The following PCDH7 variants were observed in gnomAD, a reference collection of about 807,000 sequenced individuals.
PCDH7 encodes protocadherin-7.
PCDH7 carries 17 observed loss-of-function variants against 58.9 expected under a neutral mutation model. That is an observed-to-expected ratio of 0.29 (90% confidence interval 0.20 to 0.43). PCDH7 has a LOEUF of 0.43. Ranked by LOEUF, PCDH7 falls within the 20% of genes least tolerant of loss-of-function variation. The pLI, the probability that PCDH7 is intolerant of heterozygous loss-of-function variation, is 1.00. For missense variants in PCDH7, 1,274 were observed against 1,441.0 expected, an observed-to-expected ratio of 0.88 and a Z score of 1.88; for synonymous variants, 664 against 616.4, an observed-to-expected ratio of 1.08 and a Z score of -1.14.
rs147836682 is a variant in PCDH7 at position 30,779,059 on chromosome 4, C to T, written c.70+54463C>T. 9.0e-3 allele frequency among the ~76,000 whole-genome samples: 1,041 copies of T among 115,872 alleles called. 11 individuals are homozygous for T. The highest frequency in any genetic ancestry group is 0.032 in the African/African-American group (943 of 29,836). 76.0% of individuals were successfully genotyped at this position (115,872 alleles called of 152,430 possible). ...ATGGAGACGGAGTCTCACTCTGTGT[C>T]GTTCAGGCTGGAGTGCAGTGGTGCA... On this transcript the variant is annotated intron_variant, in intron 1 of 3. Coordinates refer to the PCDH7 transcript ENST00000509759.
rs1272590016 is a variant in PCDH7 at position 30,930,782 on chromosome 4, T to G, written c.287+10413T>G. Among the ~76,000 whole-genome samples, 21 of 149,972 alleles carry G rather than the reference T, an allele frequency of 1.4e-4. No individual in the cohort carries two copies. The East Asian group carries it at 3.1e-3, about 22-fold the overall frequency. On this transcript the variant is annotated intron_variant, in intron 2 of 3. Transcript: ENST00000509759. ...CCCTGTCTCTGCAAAAAAAAAAAAG[T>G]TTAAAAATTTGCCAGATGTGGTGGC...
At chr4:30,885,760 G>A (rs1737644769) in intron 1 of PCDH7, among the ~76,000 whole-genome samples, 1 of 152,030 alleles carries the variant, frequency 6.6e-6, no homozygotes, top group South Asian at 2.1e-4. Flanking sequence ...CATGGTACTG[G>A]TACCAAAACA....
chr4:30,857,859 G>A (rs1486452757), intron 1 of PCDH7, among the ~76,000 whole-genome samples: 1 of 152,050 alleles, frequency 6.6e-6, no homozygotes, highest in African/African-American at 2.4e-5. Flanking sequence ...CTTCTGCCTT[G>A]TGCTACAATT....
chr4:30,725,420 G>A (rs950300435), intron 1 of PCDH7: 7 of 297,992 alleles, frequency 2.3e-5, no homozygotes, highest in Non-Finnish European at 2.5e-5. Flanking sequence ...TATTGAGAAT[G>A]TAAAGATTAT....
At chr4:31,026,540 T>C (rs1475790184) in intron 3 of PCDH7, among the ~76,000 whole-genome samples, 2 of 152,256 alleles carry the variant, frequency 1.3e-5, no homozygotes, top group Non-Finnish European at 2.9e-5. Context: ...ATAATTTTTA[T>C]GTATTCCCTT....
rs549171061 is a variant in PCDH7 at position 30,834,877 on chromosome 4, A to G, written c.71-85276A>G. Among the ~76,000 whole-genome samples the G allele has an allele frequency of 2.8e-3, 431 of 151,878 alleles. 3 individuals carry two copies. The highest frequency in any genetic ancestry group is 4.0e-3 in the Non-Finnish European group (271 of 67,960). On this transcript the variant is annotated intron_variant, in intron 1 of 3. Coordinates refer to the PCDH7 transcript ENST00000509759. ...TCCACTGTCCTAATTTATCTTGAAG[A>G]AATTTGAACTTTATAAACATTGGTG...
At chr4:30,975,373 C>T (rs1749980614) in intron 3 of PCDH7, among the ~76,000 whole-genome samples, 1 of 152,068 alleles carries the variant, frequency 6.6e-6, no homozygotes, top group South Asian at 2.1e-4. Context: ...TCATCAGAAT[C>T]ATGTTTCTCC....
chr4:30,852,143 T>A (rs940023024), intron 1 of PCDH7, among the ~76,000 whole-genome samples: 9 of 152,098 alleles, frequency 5.9e-5, no homozygotes, highest in African/African-American at 1.9e-4. Flanking sequence ...TTTCTATTTA[T>A]GTCTAGCAAT....
intron 2 of PCDH7, chr4:30,950,019 G>C (rs1360050662): frequency 2.0e-5 from 3 of 152,418 alleles, no homozygotes; most frequent in Non-Finnish European, 2.9e-5. Context: ...ACAAACTCAG[G>C]GTTTTTGGAA....
At chr4:31,028,769 A>C (rs1350797811) in intron 3 of PCDH7, among the ~76,000 whole-genome samples, 1 of 152,208 alleles carries the variant, frequency 6.6e-6, no homozygotes. Flanking sequence ...AATGCATGAG[A>C]TGAAAAACAT....
At chr4:30,901,374 G>T (rs1167143661) in intron 1 of PCDH7, among the ~76,000 whole-genome samples, 1 of 152,068 alleles carries the variant, frequency 6.6e-6, no homozygotes, top group African/African-American at 2.4e-5. Context: ...GACATCCCTA[G>T]CAGCCAAGGC....
chr4:31,071,121 C>T (rs887493201), intron 3 of PCDH7, among the ~76,000 whole-genome samples: 2 of 151,972 alleles, frequency 1.3e-5, no homozygotes, highest in South Asian at 4.1e-4. Flanking sequence ...TGGTCTTTGA[C>T]AGAAGCAAAG....
intron 3 of PCDH7, among the ~76,000 whole-genome samples, chr4:31,089,219 T>C (rs907941354): frequency 2.6e-5 from 4 of 152,038 alleles, no homozygotes; most frequent in African/African-American, 9.7e-5. Flanking sequence ...GGACTATGTC[T>C]TCAAAACATT....
chr4:31,080,876 G>C (rs1419801493), intron 3 of PCDH7, among the ~76,000 whole-genome samples: 2 of 152,146 alleles, frequency 1.3e-5, no homozygotes, highest in African/African-American at 4.8e-5. Flanking sequence ...TCTCCATACT[G>C]TTCTTGTGGT....
intron 3 of PCDH7, among the ~76,000 whole-genome samples, chr4:31,036,631 T>G (rs1755434827): frequency 1.3e-5 from 2 of 152,198 alleles, no homozygotes; most frequent in Admixed American, 1.3e-4. Flanking sequence ...TGTTCATTCT[T>G]TCATCGAAAA....
chr4:30,989,559 C>T (rs1350665312), intron 3 of PCDH7, among the ~76,000 whole-genome samples: 1 of 152,178 alleles, frequency 6.6e-6, no homozygotes, highest in East Asian at 1.9e-4. Context: ...TTCCAAGGAA[C>T]TGCAGGTACT....
chr4:30,771,939 C>T lies in PCDH7; in HGVS notation c.70+47343C>T, dbSNP rs145652347. Among the ~76,000 whole-genome samples the T allele has an allele frequency of 7.3e-3, 1,108 of 151,472 alleles. 11 individuals are homozygous for T. Among genetic ancestry groups the T allele is most frequent in the African/African-American group, 0.025 (1,021 of 41,206 alleles). On this transcript the variant is annotated intron_variant, in intron 1 of 3. Transcript: ENST00000509759. ...AGGCTGGAGTGCATTGGTGTGATCT[C>T]GGCTCATTGGAACCTTCGCCTCCAG...
chr4:30,886,985 T>G (rs1469093838), intron 1 of PCDH7, among the ~76,000 whole-genome samples: 56 of 40,722 alleles, frequency 1.4e-3, no homozygotes, highest in Admixed American at 2.4e-3. Flanking sequence ...GAGTGGGGGG[T>G]GGGGGGAGGG....
chr4:31,084,885 G>A (rs2109275347), intron 3 of PCDH7, among the ~76,000 whole-genome samples: 1 of 152,056 alleles, frequency 6.6e-6, no homozygotes, highest in African/African-American at 2.4e-5. Context: ...CCAAGGGGAT[G>A]GCACTAAGCC....
Sources: gnomAD v4.1 joint callset for allele counts (sites outside exome capture counted in the v4.1 genomes callset) on GRCh38, gnomAD v4.1.1 for gene constraint, MANE v1.5 for transcripts, NCBI Gene and HGNC (gene_info 2026-07-23, HGNC 2026-07-21) for gene names.